The following CCDC187 variants were observed in gnomAD, a reference collection of about 807,000 sequenced individuals.
The protein encoded by CCDC187 is coiled-coil domain containing 187, also known as coiled-coil domain-containing protein 187.
CCDC187 carries 32 observed loss-of-function variants against 38.0 expected under a neutral mutation model. That is an observed-to-expected ratio of 0.84 (90% CI 0.64 to 1.13). The LOEUF is 1.13. Ranked by LOEUF, CCDC187 falls within the 50% of genes most tolerant of loss-of-function variation. The pLI, the probability that CCDC187 is intolerant of heterozygous loss-of-function variation, is 0.00. For synonymous variants in CCDC187, 333 were observed against 347.9 expected (o/e 0.96, Z 0.48); for missense variants, 707 against 786.8 (o/e 0.90, Z 1.21).
intron 18 of CCDC187, 28 bp from the exon 19 acceptor site, chr9:136,262,490 G>A (rs1481907020): frequency 1.4e-5 from 14 of 985,994 alleles, no homozygotes; most frequent in Non-Finnish European, 1.4e-5. Flanking sequence ...GGAGAGCCTG[G>A]CAAGGCCACC....
Position 136,260,237 on chromosome 9 carries a change from CG to C in CCDC187, c.4091del (p.Thr1364SerfsTer56). On this transcript the variant is annotated frameshift_variant, in exon 20 of 26. Coordinates refer to ENST00000638797, the MANE Select transcript of CCDC187 (RefSeq NM_001378188.1). LOFTEE classifies it high-confidence loss of function. ...TRPPTEQQDV[T>X]PPQTTSDADG... ...CTGCATCGGAGGTTGTCTGGGGTGG[CG>C]TCACATCCTGCTGCTCAGTGGGAGG... 1 of 985,264 alleles carries C rather than the reference CG, an allele frequency of 1.0e-6. No homozygotes were observed. Among genetic ancestry groups the C allele is most frequent in the Non-Finnish European group, 1.2e-6 (1 of 830,062 alleles). The allele number at this position is 985,264 out of a possible 1,614,324, so 61.0% of individuals were successfully genotyped here.
At position 136,264,098 on chromosome 9, in the gene CCDC187, G is replaced by A. The variant is rs891670591; in HGVS notation, c.3736-300C>T. On this transcript the variant is annotated intron_variant, in intron 17 of 25. Transcript: ENST00000638797. This position sits in a 1 kb window ranked among gnomAD's most constrained non-coding sequence, Gnocchi z 4.3. ...CTGGGCCTCGCCCTCCCTCTCTGCA[G>A]GCTCCAGGCACTGCCCCCACCCCGT... 6.6e-6 allele frequency: 1 copy of A among 152,516 alleles called. No individual in the cohort carries two copies. Among genetic ancestry groups the A allele is most frequent in the Non-Finnish European group, 1.5e-5 (1 of 68,260 alleles). The allele number at this position is 152,516 out of a possible 1,614,324, so 9.4% of individuals were successfully genotyped here. A position where few individuals can be genotyped will look rare whatever the true frequency, so the allele number is the denominator to read the frequency against.
At chr9:136,259,310 T>TACCAAGATGAA (rs1554760727) in intron 21 of CCDC187, 53 bp downstream of exon 21, 1 of 544,450 alleles carries the variant, frequency 1.8e-6, no homozygotes, top group South Asian at 8.7e-5. Flanking sequence ...TGGGGGGGGG[T>TACCAAGATGAA]GGTCCCTGAA....
Position 136,271,764 on chromosome 9 carries a change from C to T in CCDC187, c.3442+2894G>A, listed in dbSNP as rs374485017. On this transcript the variant is annotated intron_variant, in intron 14 of 25. Transcript: ENST00000638797. ...CTGGGACTACAGGCACCCGCCACCGCATCTGGCTAATTTTTTGTATTTTTA... is the reference window on the plus strand; with the variant it reads ...CTGGGACTACAGGCACCCGCCACCGTATCTGGCTAATTTTTTGTATTTTTA... 4.5e-4 allele frequency among the ~76,000 whole-genome samples: 68 copies of T among 151,870 alleles called. No individual in the cohort carries two copies. In the East Asian group the frequency reaches 0.013, roughly 28 times the overall value.
rs1831181755 is a variant in CCDC187, at chr9:136,286,391, C to T, written c.2527G>A (p.Ala843Thr). ...AGCGCTTCGGCACCCTGCAGCTTGG[C>T]GGTGAGGCTATCGACCCGCTGCTTG... The part of the protein sequence containing the change: ...VLKQRVDSLT[A>T]KLQGAEALDT... The change falls in exon 8 of 26, where the codon GCC becomes ACC. Residue 843 changes from alanine to threonine, a missense_variant. Physicochemically the swap from Ala to Thr is moderately conservative, Grantham distance 58. Coordinates refer to ENST00000638797, the MANE Select transcript of CCDC187 (RefSeq NM_001378188.1). 7.5e-6 allele frequency: 3 copies of T among 398,648 alleles called. No homozygotes were observed. The highest frequency in any genetic ancestry group is 6.3e-4 in the Middle Eastern group (1 of 1,588). The allele number at this position is 398,648 out of a possible 1,614,324, so 24.7% of individuals were successfully genotyped here.
At chr9:136,268,851 TGC>T (rs1275519763) in intron 14 of CCDC187, among the ~76,000 whole-genome samples, 1 of 152,108 alleles carries the variant, frequency 6.6e-6, no homozygotes, top group Non-Finnish European at 1.5e-5. Context: ...GGAGGAGACT[TGC>T]GATGCTCACG....
At chr9:136,255,311 C>G (rs907192054) in intron 25 of CCDC187, among the ~76,000 whole-genome samples, 177 bp from the exon 26 acceptor site, 1 of 152,176 alleles carries the variant, frequency 6.6e-6, no homozygotes, top group Non-Finnish European at 1.5e-5. Flanking sequence ...TTCACCACGC[C>G]CACCCCCACC....
At chr9:136,293,107 T>A (rs952790909) in intron 4 of CCDC187, among the ~76,000 whole-genome samples, 11 of 145,040 alleles carry the variant, frequency 7.6e-5, no homozygotes, top group African/African-American at 3.0e-4. Context: ...AACACTCACA[T>A]TGCTCACACA....
intron 10 of CCDC187, among the ~76,000 whole-genome samples, chr9:136,276,937 C>G (rs1357786280): frequency 6.6e-6 from 1 of 152,048 alleles, no homozygotes; most frequent in Admixed American, 6.5e-5. Context: ...CCCTGCATGT[C>G]GAGGAAGGGC....
intron 5 of CCDC187, 65 bp from the exon 6 acceptor site, chr9:136,291,710 A>T: frequency 2.5e-6 from 1 of 398,532 alleles, no homozygotes; most frequent in East Asian, 3.6e-5. Flanking sequence ...CAGCTCCTCC[A>T]TCCGGGCTGG....
intron 10 of CCDC187, 107 bp from the exon 11 acceptor site, chr9:136,276,834 C>T (rs1241954809): frequency 2.0e-5 from 3 of 152,278 alleles, no homozygotes; most frequent in African/African-American, 4.8e-5. Context: ...ACAGCCTCTC[C>T]ACCTGCAGGG....
Position 136,301,175 on chromosome 9 carries a change from G to A in CCDC187, c.626-857C>T, listed in dbSNP as rs892306333. On this transcript the variant is annotated intron_variant, in intron 2 of 25. Coordinates refer to ENST00000638797, the MANE Select transcript of CCDC187 (RefSeq NM_001378188.1). ...TTGCAAAGGGAAGTAATGACTTAGA[G>A]GGGTGCACCCCAAAGTATTCGCTCA... 4.8e-4 allele frequency among the ~76,000 whole-genome samples: 73 copies of A among 152,362 alleles called. 1 individual carries two copies. Among genetic ancestry groups the A allele is most frequent in the African/African-American group, 1.7e-3 (70 of 41,580 alleles).
chr9:136,288,957 A>C lies in CCDC187; in HGVS notation c.2222+1002T>G, dbSNP rs996499801. Among the ~76,000 whole-genome samples the C allele has an allele frequency of 3.2e-4, 49 of 152,270 alleles. No individual in the cohort carries two copies. In the East Asian group the frequency reaches 7.7e-3, roughly 24 times the overall value. On this transcript the variant is annotated intron_variant, in intron 7 of 25. Transcript: ENST00000638797. ...ACTCTCAGGTGTGCACCCAAGAGAAACAGCTCAAGGGCCAAAGCAGGTGCA... is the reference window on the plus strand; with the variant it reads ...ACTCTCAGGTGTGCACCCAAGAGAACCAGCTCAAGGGCCAAAGCAGGTGCA...
At chr9:136,277,268 G>A (rs1830948798) in intron 10 of CCDC187, among the ~76,000 whole-genome samples, 1 of 131,846 alleles carries the variant, frequency 7.6e-6, no homozygotes. Context: ...AGCTGCTGCT[G>A]ATGGTGTGGA....
intron 24 of CCDC187, among the ~76,000 whole-genome samples, chr9:136,255,959 G>T (rs1554760246): frequency 1.3e-5 from 2 of 152,196 alleles, no homozygotes; most frequent in South Asian, 2.1e-4. Flanking sequence ...TGGCAGAGAG[G>T]GGGGTGGGGC....
intron 3 of CCDC187, among the ~76,000 whole-genome samples, chr9:136,298,754 T>C (rs895303696): frequency 2.6e-5 from 4 of 152,054 alleles, no homozygotes; most frequent in African/African-American, 4.8e-5. Flanking sequence ...ACTAGGCCCA[T>C]AGAGACAGGA....
At chr9:136,276,101 A>G (rs1195182827) in intron 12 of CCDC187, 93 bp downstream of exon 12, 8 of 152,176 alleles carry the variant, frequency 5.3e-5, no homozygotes, top group African/African-American at 1.7e-4. Flanking sequence ...CACTGTTCCT[A>G]TGGAAGTCTC....
intron 6 of CCDC187, 41 bp downstream of exon 6, chr9:136,290,445 A>G (rs1831293378): frequency 5.0e-6 from 2 of 398,604 alleles, no homozygotes; most frequent in Non-Finnish European, 4.4e-6. Context: ...CCTCTGGCCC[A>G]TGGCTGAGCC....
intron 12 of CCDC187, among the ~76,000 whole-genome samples, chr9:136,275,550 A>G (rs1235412257): frequency 6.6e-6 from 1 of 152,104 alleles, no homozygotes; most frequent in Admixed American, 6.5e-5. Flanking sequence ...TGTACCGTGG[A>G]TGTACTTCCC....
Sources: gnomAD v4.1 joint callset for allele counts (sites outside exome capture counted in the v4.1 genomes callset) on GRCh38, gnomAD v4.1.1 for gene constraint, Gnocchi (gnomAD v3.1) non-coding constraint, MANE v1.5 for transcripts, NCBI Gene and HGNC (gene_info 2026-07-23, HGNC 2026-07-21) for gene names.